The following PHLDB2 variants were observed in gnomAD, a reference collection of about 807,000 sequenced individuals.
PHLDB2 encodes pleckstrin homology like domain family B member 2, also known as pleckstrin homology-like domain family B member 2.
Under a neutral mutation model 123.6 loss-of-function variants are expected in PHLDB2, and 71 were observed. The ratio of observed to expected loss-of-function variants is 0.57; its 90% CI spans 0.47 to 0.70. PHLDB2 has a LOEUF of 0.70. PHLDB2 is among the 30% of genes least tolerant of loss of function. The pLI, the probability that PHLDB2 is intolerant of heterozygous loss-of-function variation, is 0.00. For missense variants in PHLDB2, 1,446 were observed against 1,519.5 expected, an observed-to-expected ratio of 0.95 and a Z score of 0.80; for synonymous variants, 547 against 541.6, an observed-to-expected ratio of 1.01 and a Z score of -0.14.
chr3:111,884,531 A>G lies in PHLDB2; in HGVS notation c.454A>G (p.Ser152Gly), dbSNP rs532571508. 6.2e-7 allele frequency: 1 copy of G among 1,614,214 alleles called. No individual in the cohort carries two copies. The highest frequency in any genetic ancestry group is 1.1e-5 in the South Asian group (1 of 91,086). ...AGAGAAGCCTCCCTATTCCAAATATAGCTCAAGGCATAAATCGCATGACAA... is the reference window on the plus strand; with the variant it reads ...AGAGAAGCCTCCCTATTCCAAATATGGCTCAAGGCATAAATCGCATGACAA... ...LSEKPPYSKY[S>G]SRHKSHDNVY... The change falls in exon 2 of 18, where the codon AGC becomes GGC. Residue 152 changes from serine (S) to glycine (G), a missense_variant. By Grantham distance (56) the Ser-to-Gly change is moderately conservative (BLOSUM62 0). Transcript: ENST00000431670.
chr3:111,751,750 A>ATATATATATATC (rs1392686204), intron 1 of PHLDB2, among the ~76,000 whole-genome samples: 2 of 151,826 alleles, frequency 1.3e-5, no homozygotes, highest in African/African-American at 2.4e-5. Context: ...ATGACGAGTT[A>ATATATATATATC]ATGGGTGCAG....
chr3:111,867,939 G>C (rs1559876080), intron 1 of PHLDB2, among the ~76,000 whole-genome samples: 1 of 151,658 alleles, frequency 6.6e-6, no homozygotes. Flanking sequence ...GGGCTCCAGT[G>C]ATCTGCCTGC....
At chr3:111,752,701 GGTTA>G (rs1464918338) in intron 1 of PHLDB2, among the ~76,000 whole-genome samples, 3 of 151,514 alleles carry the variant, frequency 2.0e-5, no homozygotes, top group Admixed American at 2.0e-4. Context: ...ACAATGTGCA[GGTTA>G]GTTACATATG....
rs1416781599 is a variant in PHLDB2 at position 111,836,695 on chromosome 3, G to A, written c.-48-9126G>A. On this transcript the variant is annotated intron_variant, in intron 1 of 17. Coordinates refer to the PHLDB2 transcript ENST00000393923. ...TTCCACATGGCTGAGGAGGCCTCAG[G>A]GACCTTACAATTGTGGCAAAAAGTG... Among the ~76,000 whole-genome samples the A allele has an allele frequency of 4.6e-5, 7 of 152,226 alleles. No homozygotes were observed. The East Asian group carries it at 1.2e-3, about 25-fold the overall frequency.
chr3:111,890,135 G>T (rs2066393984), intron 2 of PHLDB2, among the ~76,000 whole-genome samples: 1 of 152,148 alleles, frequency 6.6e-6, no homozygotes, highest in Non-Finnish European at 1.5e-5. Context: ...ACCTGACCAA[G>T]ACTGGATTCC....
intron 1 of PHLDB2, among the ~76,000 whole-genome samples, chr3:111,809,857 A>T (rs533962655): frequency 6.6e-6 from 1 of 152,336 alleles, no homozygotes; most frequent in South Asian, 2.1e-4. Flanking sequence ...CCTCAAGCAT[A>T]TAATAGAGTA....
intron 1 of PHLDB2, among the ~76,000 whole-genome samples, chr3:111,820,502 C>T (rs564238957): frequency 6.6e-6 from 1 of 152,294 alleles, no homozygotes; most frequent in South Asian, 2.1e-4. Context: ...TCTTTTCAAT[C>T]TCTTTTGTGA....
chr3:111,797,587 A>G (rs946714278), intron 1 of PHLDB2, among the ~76,000 whole-genome samples: 3 of 152,160 alleles, frequency 2.0e-5, no homozygotes, highest in African/African-American at 7.2e-5. Context: ...TTTTGCTACC[A>G]TCTGTGTCTT....
intron 1 of PHLDB2, among the ~76,000 whole-genome samples, chr3:111,808,838 G>C (rs2061710198): frequency 6.6e-6 from 1 of 151,992 alleles, no homozygotes; most frequent in Admixed American, 6.6e-5. Context: ...ATGATTCACT[G>C]GTTGTAATTC....
intron 1 of PHLDB2, among the ~76,000 whole-genome samples, chr3:111,830,991 A>C (rs2062973353): frequency 1.3e-5 from 1 of 79,056 alleles, no homozygotes. Flanking sequence ...GAAAGAAAGA[A>C]AGAAAGAAAG....
chr3:111,925,069 T>A (rs1194256872), intron 5 of PHLDB2, among the ~76,000 whole-genome samples: 1 of 152,152 alleles, frequency 6.6e-6, no homozygotes, highest in Non-Finnish European at 1.5e-5. Context: ...CCTCAGGTGA[T>A]CTGCCTGCCT....
At chr3:111,761,165 C>A (rs890201272) in intron 1 of PHLDB2, among the ~76,000 whole-genome samples, 1 of 132,460 alleles carries the variant, frequency 7.5e-6, no homozygotes, top group East Asian at 2.2e-4. Flanking sequence ...AGCCTAGCGA[C>A]AGAGTGAGAC....
chr3:111,974,119 T>G (rs1238530856), intron 17 of PHLDB2, among the ~76,000 whole-genome samples: 1 of 152,176 alleles, frequency 6.6e-6, no homozygotes, highest in Admixed American at 6.5e-5. Flanking sequence ...GAGCAAGTCC[T>G]AGTAGGGCTA....
chr3:111,733,606 G>A (rs1405462310), intron 1 of PHLDB2, among the ~76,000 whole-genome samples: 1 of 152,196 alleles, frequency 6.6e-6, no homozygotes, highest in Non-Finnish European at 1.5e-5. Context: ...CCTCATCACT[G>A]GAGGTCTATG....
chr3:111,867,129 C>G (rs1331103809), intron 1 of PHLDB2, among the ~76,000 whole-genome samples: 2 of 152,024 alleles, frequency 1.3e-5, no homozygotes, highest in Non-Finnish European at 2.9e-5. Flanking sequence ...TACTTGTTAT[C>G]TTGAAAATGT....
At chr3:111,835,108 G>A (rs530381370) in intron 1 of PHLDB2, among the ~76,000 whole-genome samples, 192 of 152,146 alleles carry the variant, frequency 1.3e-3, no homozygotes, top group African/African-American at 4.4e-3. Context: ...TTTACCATGA[G>A]CCTCTCATTC....
intron 1 of PHLDB2, among the ~76,000 whole-genome samples, chr3:111,883,586 C>G (rs1045661149): frequency 2.0e-5 from 3 of 152,160 alleles, no homozygotes; most frequent in Admixed American, 6.5e-5. Context: ...CAGTGTCTAA[C>G]GTAAACTTTT....
intron 1 of PHLDB2, among the ~76,000 whole-genome samples, chr3:111,827,672 C>A (rs1359621521): frequency 8.7e-6 from 1 of 114,576 alleles, no homozygotes; most frequent in African/African-American, 3.5e-5. Context: ...CAGAGCGAGA[C>A]GAGAATCCGT....
intron 1 of PHLDB2, among the ~76,000 whole-genome samples, chr3:111,780,842 T>C (rs1441256723): frequency 6.6e-6 from 1 of 152,088 alleles, no homozygotes; most frequent in Non-Finnish European, 1.5e-5. Context: ...GGTGTTTTCA[T>C]ATGTGAGTGC....
Sources: gnomAD v4.1 joint callset for allele counts (sites outside exome capture counted in the v4.1 genomes callset) on GRCh38, gnomAD v4.1.1 for gene constraint, MANE v1.5 for transcripts, NCBI Gene and HGNC (gene_info 2026-07-23, HGNC 2026-07-21) for gene names.